Variants in NCOR1 observed in about 807,000 individuals in gnomAD.
NCOR1 encodes the protein nuclear receptor corepressor 1.
Under a neutral mutation model 288.1 loss-of-function variants are expected in NCOR1, and 63 were observed. That is an observed-to-expected ratio of 0.22 (90% CI 0.18 to 0.27). The LOEUF (loss-of-function observed/expected upper bound fraction) is 0.27. Among genes scored for constraint, NCOR1 ranks in the 10% least tolerant of loss-of-function variants. NCOR1 has a pLI of 1.00. For synonymous variants in NCOR1, 1,007 were observed against 1,065.9 expected (o/e 0.94, Z 1.08); for missense variants, 2,397 against 3,019.2 (o/e 0.79, Z 4.83).
In NCOR1 at chr17:16,139,073, T is replaced by C. The variant is rs761291681; in HGVS notation, c.1287A>G (p.Lys429=). The part of the protein sequence containing the change: ...NMNGLMEDPM[K]VYKDRQFMNV... ...TCATAAACTGCCTATCTTTATACAC[T>C]TTCATAGGGTCCTCCATAAGCCCAT... Residue 429 remains lysine, a synonymous_variant, in exon 12 of 46, where the codon AAA becomes AAG. Coordinates refer to ENST00000268712, the MANE Select transcript of NCOR1 (RefSeq NM_006311.4). The C allele has an allele frequency of 3.7e-6, 6 of 1,611,774 alleles. No individual in the cohort carries two copies. The highest frequency in any genetic ancestry group is 5.1e-6 in the Non-Finnish European group (6 of 1,178,768).
intron 3 of NCOR1, among the ~76,000 whole-genome samples, chr17:16,181,205 A>ATATGTATGTATGTATGTATG (rs138045717): frequency 5.1e-5 from 5 of 98,994 alleles, no homozygotes; most frequent in African/African-American, 8.1e-5. Context: ...GTATACATAT[A>ATATGTATGTATGTATGTATG]TATGTATGTG....
intron 14 of NCOR1, 102 bp from the exon 15 acceptor site, chr17:16,126,308 T>C: frequency 6.7e-6 from 8 of 1,194,310 alleles, no homozygotes; most frequent in Non-Finnish European, 9.1e-6. Flanking sequence ...AAATGATTGT[T>C]AGTCATTTAC....
At chr17:16,133,848 C>T (rs559588153) in intron 14 of NCOR1, among the ~76,000 whole-genome samples, 3 of 152,280 alleles carry the variant, frequency 2.0e-5, no homozygotes, top group South Asian at 4.1e-4. Context: ...GATTATTGTC[C>T]TTTCCTCATC....
intron 29 of NCOR1, among the ~76,000 whole-genome samples, 200 bp from the exon 30 acceptor site, chr17:16,071,865 A>T (rs2152739228): frequency 6.6e-6 from 1 of 152,270 alleles, no homozygotes; most frequent in South Asian, 2.1e-4. Context: ...TTTATCAATC[A>T]TTATTTCTTT....
intron 40 of NCOR1, among the ~76,000 whole-genome samples, chr17:16,053,970 C>T (rs2059607167): frequency 1.3e-5 from 2 of 149,526 alleles, no homozygotes; most frequent in African/African-American, 2.5e-5. Flanking sequence ...ATAAATGGTG[C>T]TGGGATAACT....
chr17:16,031,602 G>GAA lies in NCOR1; in HGVS notation c.*692_*693dup. ...GTAATATTTTTTCAGTGCTACTAATGAAAAAAAAAAATTAAAGCCTGCACT... is the reference window on the plus strand; with the variant it reads ...GTAATATTTTTTCAGTGCTACTAATGAAAAAAAAAAAAATTAAAGCCTGCACT... On this transcript the variant is annotated 3_prime_UTR_variant, in exon 46 of 46. Transcript: ENST00000268712. 13 of 202,936 alleles carry GAA rather than the reference G, an allele frequency of 6.4e-5. No homozygotes were observed. The highest frequency in any genetic ancestry group is 8.9e-5 in the Non-Finnish European group (9 of 101,300). 12.6% of individuals were successfully genotyped at this position (202,936 alleles called of 1,614,324 possible).
intron 2 of NCOR1, among the ~76,000 whole-genome samples, chr17:16,193,057 C>G (rs2088877366): frequency 1.3e-5 from 2 of 152,094 alleles, no homozygotes; most frequent in African/African-American, 4.8e-5. Flanking sequence ...CGGGTGGGTG[C>G]CAAGGAGGAT....
At chr17:16,072,356 T>G (rs868505273) in intron 28 of NCOR1, 128 bp from the exon 29 acceptor site, 1 of 619,606 alleles carries the variant, frequency 1.6e-6, no homozygotes. Flanking sequence ...TCAATTTAAG[T>G]TTGTGAACTA....
At chr17:16,052,556 A>G (rs2152504315) in intron 40 of NCOR1, among the ~76,000 whole-genome samples, 1 of 152,294 alleles carries the variant, frequency 6.6e-6, no homozygotes, top group South Asian at 2.1e-4. Context: ...AACCAGGAAA[A>G]AACTGATTCC....
intron 1 of NCOR1, among the ~76,000 whole-genome samples, chr17:16,200,231 T>C (rs967279828): frequency 1.3e-5 from 2 of 152,016 alleles, no homozygotes; most frequent in Non-Finnish European, 2.9e-5. Flanking sequence ...CTCACACCTG[T>C]AATCCCAGCA....
chr17:16,199,809 C>T (rs1225929998), intron 1 of NCOR1, among the ~76,000 whole-genome samples: 1 of 152,128 alleles, frequency 6.6e-6, no homozygotes, highest in Non-Finnish European at 1.5e-5. Context: ...TTCCTCATCT[C>T]TTAAATATCA....
At position 16,079,975 on chromosome 17, in the gene NCOR1, A is replaced by T; in HGVS notation, c.3490T>A (p.Ser1164Thr). The T allele has an allele frequency of 6.2e-7, 1 of 1,613,260 alleles. No individual in the cohort carries two copies. Among genetic ancestry groups the T allele is most frequent in the Non-Finnish European group, 8.5e-7 (1 of 1,179,228 alleles). The change falls in exon 26 of 46, where the codon TCT becomes ACT. Residue 1164 changes from serine to threonine, a missense_variant. Physicochemically the swap from Ser to Thr is moderately conservative, Grantham distance 58 (BLOSUM62 1). This residue lies in a region of NCOR1 where 1,872 missense variants were observed against 2,187.8 expected (regional missense o/e 0.86). Coordinates refer to ENST00000268712, the MANE Select transcript of NCOR1 (RefSeq NM_006311.4). Reference protein sequence around the residue: ...SVESIPSLRGSITQGTPALPQ... With the variant: ...SVESIPSLRGTITQGTPALPQ... ...TGATCGTGACTAACCTGAGTGATAG[A>T]GCCCCGTAGGGATGGAATGCTCTCC...
chr17:16,053,798 A>C (rs1359541718), intron 40 of NCOR1, among the ~76,000 whole-genome samples: 1 of 152,158 alleles, frequency 6.6e-6, no homozygotes, highest in Non-Finnish European at 1.5e-5. Context: ...AAACTATAAT[A>C]CAGGGCTACA....
intron 8 of NCOR1, among the ~76,000 whole-genome samples, 195 bp from the exon 9 acceptor site, chr17:16,149,712 T>G (rs1158981619): frequency 2.0e-5 from 3 of 152,170 alleles, no homozygotes; most frequent in African/African-American, 7.2e-5. Context: ...CTGACTAAAG[T>G]TCCTCCCATT....
intron 15 of NCOR1, among the ~76,000 whole-genome samples, chr17:16,125,717 A>C (rs1951022636): frequency 6.6e-6 from 1 of 151,810 alleles, no homozygotes; most frequent in Non-Finnish European, 1.5e-5. Context: ...AAAAAAAAAA[A>C]AAAAACTATA....
At chr17:16,143,527 CA>C in intron 11 of NCOR1, 78 bp downstream of exon 11, 6 of 1,116,088 alleles carry the variant, frequency 5.4e-6, no homozygotes, top group South Asian at 2.8e-5. Flanking sequence ...CATTTACATA[CA>C]AAAAAACCCT....
chr17:16,121,306 A>C, intron 15 of NCOR1, 37 bp from the exon 16 acceptor site: 1 of 1,567,226 alleles, frequency 6.4e-7, no homozygotes, highest in East Asian at 2.2e-5. Context: ...GTGTGATTCC[A>C]AAGTATACAT....
intron 44 of NCOR1, among the ~76,000 whole-genome samples, chr17:16,037,400 AAAC>A (rs1482140085): frequency 5.9e-5 from 9 of 152,198 alleles, no homozygotes; most frequent in Non-Finnish European, 1.2e-4. Context: ...GGGTTGCCAT[AAAC>A]CTTCAGTTAA....
chr17:16,181,596 T>A (rs1440878553), intron 3 of NCOR1, among the ~76,000 whole-genome samples: 1 of 152,150 alleles, frequency 6.6e-6, no homozygotes, highest in African/African-American at 2.4e-5. Context: ...AATGGGTAGA[T>A]TTTAGCTATT....
Sources: allele counts gnomAD v4.1 joint callset (sites outside exome capture counted in the v4.1 genomes callset), GRCh38; gene constraint gnomAD v4.1.1; regional missense constraint gnomAD v4.1.1; transcripts MANE v1.5; gene names NCBI Gene and HGNC (gene_info 2026-07-23, HGNC 2026-07-21).